MINPP1: variants seen among roughly 807,000 people sequenced by gnomAD.
MINPP1 encodes the protein multiple inositol polyphosphate phosphatase 1.
Under a neutral mutation model 46.1 loss-of-function variants are expected in MINPP1, and 28 were observed. That is an observed-to-expected ratio of 0.61 (90% CI 0.45 to 0.83). The LOEUF (loss-of-function observed/expected upper bound fraction) is 0.83. MINPP1 is among the 40% of genes least tolerant of loss of function. The pLI is 0.00. For missense variants in MINPP1, 603 were observed against 610.0 expected, an observed-to-expected ratio of 0.99 and a Z score of 0.12; for synonymous variants, 268 against 249.1, an observed-to-expected ratio of 1.08 and a Z score of -0.72.
At chr10:87,538,187 T>G (rs1324403809) in intron 4 of MINPP1, among the ~76,000 whole-genome samples, 1 of 151,958 alleles carries the variant, frequency 6.6e-6, no homozygotes, top group African/African-American at 2.4e-5. Context: ...GCATGTGCTG[T>G]TCAGTGCCAG....
At chr10:87,536,497 A>G (rs1400679339) in intron 4 of MINPP1, among the ~76,000 whole-genome samples, 3 of 152,172 alleles carry the variant, frequency 2.0e-5, no homozygotes, top group Non-Finnish European at 2.9e-5. Flanking sequence ...CGCCCATGAA[A>G]CCATCACCAT....
In MINPP1 at chr10:87,505,625, A is replaced by C; in HGVS notation, c.637+73A>C. 7.0e-7 allele frequency: 1 copy of C among 1,433,474 alleles called. No individual in the cohort carries two copies. Among genetic ancestry groups the C allele is most frequent in the East Asian group, 2.5e-5 (1 of 40,490 alleles). 88.8% of individuals were successfully genotyped at this position (1,433,474 alleles called of 1,614,324 possible). A position where few individuals can be genotyped will look rare whatever the true frequency, so the allele number is the denominator to read the frequency against. On this transcript the variant is annotated intron_variant, in intron 1 of 4. Coordinates refer to ENST00000371996, the MANE Select transcript of MINPP1 (RefSeq NM_004897.5). The surrounding 1 kb of genome is among the most constrained non-coding windows in gnomAD (Gnocchi z 4.4). ...CTGGATGCTCTCCCGCCTCCCCCAGACCCTGGGCTTTTCCGATGCCCCCCA... is the reference window on the plus strand; with the variant it reads ...CTGGATGCTCTCCCGCCTCCCCCAGCCCCTGGGCTTTTCCGATGCCCCCCA...
Position 87,508,333 on chromosome 10 carries a change from C to T in MINPP1, c.638-3C>T, listed in dbSNP as rs371951706. The T allele has an allele frequency of 3.1e-6, 5 of 1,612,402 alleles. No homozygotes were observed. In the African/African-American group the frequency reaches 6.7e-5, roughly 22 times the overall value. ...AATACATATAAATTTTTTTCTCTTTCAGATATGGAGTTTGGACCTCCAACA... is the reference window on the plus strand; with the variant it reads ...AATACATATAAATTTTTTTCTCTTTTAGATATGGAGTTTGGACCTCCAACA... On this transcript the variant is annotated splice_polypyrimidine_tract_variant and splice_region_variant and intron_variant, in intron 1 of 4. Transcript: ENST00000371996.
Position 87,533,565 on chromosome 10 carries a change from G to A in MINPP1, c.1067+12396G>A, listed in dbSNP as rs80210968. On this transcript the variant is annotated intron_variant, in intron 4 of 4. Coordinates refer to ENST00000371996, the MANE Select transcript of MINPP1 (RefSeq NM_004897.5). ...GTTAATATAATCTTTTTAGATTCGA[G>A]GATTTCAACAAGTTACTTCATGTTT... Among the ~76,000 whole-genome samples the A allele has an allele frequency of 3.5e-4, 53 of 151,998 alleles. 1 individual carries two copies. In the East Asian group the frequency reaches 9.5e-3, roughly 27 times the overall value.
chr10:87,505,905 C>G lies in MINPP1; in HGVS notation c.637+353C>G, dbSNP rs1028815765. 1.3e-5 allele frequency among the ~76,000 whole-genome samples: 2 copies of G among 152,154 alleles called. No homozygotes were observed. Among genetic ancestry groups the G allele is most frequent in the Non-Finnish European group, 2.9e-5 (2 of 68,038 alleles). The stretch of plus-strand genomic sequence containing the variant: ...CTGAATTGCCCCTTCGAGCGCCAAC[C>G]CATCCCTTCCCCCTTCCCTGGCGTC... On this transcript the variant is annotated intron_variant, in intron 1 of 4. Transcript: ENST00000371996. This position sits in a 1 kb window ranked among gnomAD's most constrained non-coding sequence, Gnocchi z 4.4.
chr10:87,534,659 G>A (rs1321183511), intron 4 of MINPP1, among the ~76,000 whole-genome samples: 3 of 152,162 alleles, frequency 2.0e-5, no homozygotes, highest in Non-Finnish European at 2.9e-5. Flanking sequence ...GACCCCAACA[G>A]TAGAACCGGA....
intron 1 of MINPP1, chr10:87,507,780 AAACC>A: frequency 2.1e-6 from 2 of 966,394 alleles, no homozygotes; most frequent in Non-Finnish European, 2.5e-6. Context: ...GTTAAAAGAT[AAACC>A]AATTCACAGG....
intron 2 of MINPP1, among the ~76,000 whole-genome samples, chr10:87,508,880 A>G (rs1033344056): frequency 6.8e-6 from 1 of 147,392 alleles, no homozygotes; most frequent in African/African-American, 2.6e-5. Context: ...TGGAAAAATC[A>G]TATAAATTCT....
At chr10:87,537,167 C>A (rs1851747736) in intron 4 of MINPP1, among the ~76,000 whole-genome samples, 1 of 152,004 alleles carries the variant, frequency 6.6e-6, no homozygotes, top group Non-Finnish European at 1.5e-5. Flanking sequence ...GAACTCCTGA[C>A]CTCAGATAAT....
chr10:87,507,119 A>G (rs17109709), intron 1 of MINPP1, among the ~76,000 whole-genome samples: 11,981 of 152,212 alleles, frequency 0.079, 784 homozygotes, highest in African/African-American at 0.18. Context: ...TGAAAATACT[A>G]CAGTTCAGAA....
chr10:87,521,200 T>G, intron 4 of MINPP1, 31 bp downstream of exon 4: 1 of 1,590,608 alleles, frequency 6.3e-7, no homozygotes, highest in Non-Finnish European at 8.6e-7. Context: ...GTGAAGTACA[T>G]TTTGAGTTAC....
chr10:87,530,190 T>A (rs1353005511), intron 4 of MINPP1, among the ~76,000 whole-genome samples: 1 of 152,240 alleles, frequency 6.6e-6, no homozygotes, highest in Non-Finnish European at 1.5e-5. Context: ...TTACCAATCG[T>A]CTGAAGCCTT....
At chr10:87,522,743 G>A (rs1246693260) in intron 4 of MINPP1, among the ~76,000 whole-genome samples, 1 of 152,186 alleles carries the variant, frequency 6.6e-6, no homozygotes, top group Non-Finnish European at 1.5e-5. Flanking sequence ...TGGGGTGGCT[G>A]TGGCAATTTA....
chr10:87,545,448 T>C (rs577689026), intron 4 of MINPP1, among the ~76,000 whole-genome samples: 3 of 152,190 alleles, frequency 2.0e-5, no homozygotes, highest in Admixed American at 6.5e-5. Flanking sequence ...GTTTTATACA[T>C]GTTTGTGTTA....
At chr10:87,537,510 TTTG>T (rs375449124) in intron 4 of MINPP1, among the ~76,000 whole-genome samples, 48,503 of 117,610 alleles carry the variant, frequency 0.41, 9,064 homozygotes, top group Non-Finnish European at 0.46. Flanking sequence ...TTTATTACTG[TTTG>T]TGTGTGTGTG....
At chr10:87,510,785 G>T (rs61854927) in intron 2 of MINPP1, among the ~76,000 whole-genome samples, 18,694 of 152,086 alleles carry the variant, frequency 0.12, 1,380 homozygotes, top group Non-Finnish European at 0.17. Flanking sequence ...TAAATAAATA[G>T]ATTTCTAAAA....
chr10:87,549,650 T>G (rs769959727), intron 4 of MINPP1, among the ~76,000 whole-genome samples: 64 of 152,330 alleles, frequency 4.2e-4, no homozygotes, highest in Admixed American at 1.2e-3. Flanking sequence ...GTCCCCAGTT[T>G]ATTAGAGTTC....
Position 87,505,103 on chromosome 10 carries a change from G to GC in MINPP1, c.192dup (p.Glu65ArgfsTer8), listed in dbSNP as rs1214224506. ...GATGTCAACCCCGTGCTATTGTCGG[G>GC]CCCCGAGGCTCCGTGGCGGGACCCT... On this transcript the variant is annotated frameshift_variant, in exon 1 of 5. Coordinates refer to ENST00000371996, the MANE Select transcript of MINPP1 (RefSeq NM_004897.5). LOFTEE classifies it high-confidence loss of function. The surrounding 1 kb of genome is among the most constrained non-coding windows in gnomAD (Gnocchi z 4.4). 3.7e-6 allele frequency: 6 copies of GC among 1,613,342 alleles called. No individual in the cohort carries two copies. Among genetic ancestry groups the GC allele is most frequent in the Non-Finnish European group, 5.1e-6 (6 of 1,179,866 alleles).
At chr10:87,522,047 A>C (rs1424657368) in intron 4 of MINPP1, among the ~76,000 whole-genome samples, 2 of 152,226 alleles carry the variant, frequency 1.3e-5, no homozygotes. Flanking sequence ...GATTACACAG[A>C]CAGCTGTATA....
Sources: allele counts gnomAD v4.1 joint callset (sites outside exome capture counted in the v4.1 genomes callset), GRCh38; gene constraint gnomAD v4.1.1; non-coding constraint Gnocchi (gnomAD v3.1); transcripts MANE v1.5; gene names NCBI Gene and HGNC (gene_info 2026-07-23, HGNC 2026-07-21).